Variants in PDE4B observed in about 807,000 individuals in gnomAD.
PDE4B encodes the protein 3',5'-cyclic-AMP phosphodiesterase 4B.
In PDE4B, 20 loss-of-function variants were observed where a neutral mutation model predicts 82.2. The observed-to-expected ratio is 0.24, with a 90% CI of 0.17 to 0.35. PDE4B has a LOEUF of 0.35. Among genes scored for constraint, PDE4B ranks in the 10% least tolerant of loss-of-function variants. The pLI is 1.00. For synonymous variants in PDE4B, 320 were observed against 318.9 expected, an observed-to-expected ratio of 1.00 and a Z score of -0.04; for missense variants, 655 against 907.2, an observed-to-expected ratio of 0.72 and a Z score of 3.57.
At chr1:65,905,308 G>C (rs186756931) in intron 1 of PDE4B, among the ~76,000 whole-genome samples, 114 of 152,218 alleles carry the variant, frequency 7.5e-4, no homozygotes, top group Non-Finnish European at 1.4e-3. Context: ...GGGTTAGCCC[G>C]GCAAAGTTGA....
intron 3 of PDE4B, among the ~76,000 whole-genome samples, chr1:66,015,183 T>C (rs1652699732): frequency 1.3e-5 from 2 of 152,272 alleles, no homozygotes; most frequent in Admixed American, 6.5e-5. Flanking sequence ...TTTTCTCTTT[T>C]CTGTAAGAAA....
rs147316120 is a variant in PDE4B at position 65,864,546 on chromosome 1, C to T, written c.-70-48699C>T. ...GATGACCTTTGGATGGGTTTTTGTG[C>T]GGGGGTCCTTTATGTTGATGTTGAT... is the stretch of plus-strand genomic sequence containing the variant. On this transcript the variant is annotated intron_variant, in intron 1 of 16. Coordinates refer to ENST00000341517, the MANE Select transcript of PDE4B (RefSeq NM_002600.4). Among the ~76,000 whole-genome samples the T allele has an allele frequency of 7.8e-4, 119 of 152,122 alleles. 3 individuals are homozygous for T. The highest frequency in any genetic ancestry group is 1.3e-3 in the African/African-American group (55 of 41,508).
intron 3 of PDE4B, among the ~76,000 whole-genome samples, chr1:66,153,379 C>G (rs558215009): frequency 1.3e-5 from 2 of 152,270 alleles, no homozygotes; most frequent in South Asian, 2.1e-4. Context: ...CAACAGATGT[C>G]CTTGAAGTAA....
intron 3 of PDE4B, among the ~76,000 whole-genome samples, chr1:66,226,527 T>C (rs1651466975): frequency 6.6e-6 from 1 of 152,152 alleles, no homozygotes; most frequent in Non-Finnish European, 1.5e-5. Flanking sequence ...GAATCAATAA[T>C]ATGAAGGAGC....
intron 3 of PDE4B, among the ~76,000 whole-genome samples, chr1:65,972,715 G>A: frequency 6.6e-6 from 1 of 152,104 alleles, no homozygotes; most frequent in South Asian, 2.1e-4. Flanking sequence ...GATTCACTTA[G>A]TGTTTCTGCA....
intron 3 of PDE4B, among the ~76,000 whole-genome samples, chr1:66,190,490 T>G (rs1410170172): frequency 6.6e-6 from 1 of 152,162 alleles, no homozygotes; most frequent in Non-Finnish European, 1.5e-5. Flanking sequence ...ACCCAGTTCA[T>G]TCTTCCCAGC....
intron 3 of PDE4B, among the ~76,000 whole-genome samples, chr1:66,184,227 T>C (rs1647132271): frequency 6.6e-6 from 1 of 152,100 alleles, no homozygotes. Flanking sequence ...AGCAGTCAAG[T>C]GTAAGGTACA....
chr1:66,252,836 G>A (rs557737892), intron 4 of PDE4B, among the ~76,000 whole-genome samples: 4 of 152,318 alleles, frequency 2.6e-5, no homozygotes, highest in East Asian at 1.9e-4. Flanking sequence ...CTCCTCAGGA[G>A]GCTGAGATAG....
In PDE4B at chr1:65,850,818, A is replaced by G. The variant is rs574624950; in HGVS notation, c.-71+57570A>G. The stretch of plus-strand genomic sequence containing the variant: ...AAGAGCAGAATTTTAAAAACTTGAT[A>G]AAGTCTAACATATTTTTAACACTTT... On this transcript the variant is annotated intron_variant, in intron 1 of 16. Transcript: ENST00000341517. Among the ~76,000 whole-genome samples the G allele has an allele frequency of 1.9e-3, 288 of 152,346 alleles. 1 individual carries two copies. The highest frequency in any genetic ancestry group is 6.7e-3 in the African/African-American group (280 of 41,580).
At chr1:66,151,921 T>C (rs1188268614) in intron 3 of PDE4B, among the ~76,000 whole-genome samples, 1 of 152,206 alleles carries the variant, frequency 6.6e-6, no homozygotes, top group Non-Finnish European at 1.5e-5. Flanking sequence ...CTATGTTTCT[T>C]ATAGCACCTA....
At chr1:66,223,265 A>G (rs1401647005) in intron 3 of PDE4B, among the ~76,000 whole-genome samples, 1 of 152,214 alleles carries the variant, frequency 6.6e-6, no homozygotes, top group African/African-American at 2.4e-5. Flanking sequence ...GTCATGTCAG[A>G]TAAGATTCTC....
chr1:66,353,052 TTC>T (rs1661958575), intron 8 of PDE4B, among the ~76,000 whole-genome samples: 1 of 152,348 alleles, frequency 6.6e-6, no homozygotes, highest in East Asian at 1.9e-4. Context: ...TTTCTTCAGC[TTC>T]TGAGTCTTCA....
chr1:66,132,110 A>G (rs1380937950), intron 3 of PDE4B, among the ~76,000 whole-genome samples: 1 of 152,214 alleles, frequency 6.6e-6, no homozygotes, highest in Non-Finnish European at 1.5e-5. Context: ...AGGTGTGATG[A>G]TAAGTTTTTA....
intron 3 of PDE4B, among the ~76,000 whole-genome samples, chr1:65,959,591 C>G (rs1199840874): frequency 3.3e-5 from 5 of 151,978 alleles, no homozygotes; most frequent in Admixed American, 3.3e-4. Context: ...AGCTTAGATT[C>G]TTTATTTGCT....
At chr1:66,051,043 A>G (rs1428645736) in intron 3 of PDE4B, among the ~76,000 whole-genome samples, 1 of 152,162 alleles carries the variant, frequency 6.6e-6, no homozygotes, top group Non-Finnish European at 1.5e-5. Context: ...GTACAAAGAA[A>G]TGATGACTTT....
chr1:66,258,359 A>G (rs896811707), intron 6 of PDE4B, among the ~76,000 whole-genome samples: 1 of 152,244 alleles, frequency 6.6e-6, no homozygotes, highest in African/African-American at 2.4e-5. Flanking sequence ...TCAATTAATT[A>G]TATGATCTTG....
chr1:66,256,414 G>T (rs1381382866), intron 4 of PDE4B, among the ~76,000 whole-genome samples: 1 of 152,116 alleles, frequency 6.6e-6, no homozygotes, highest in Non-Finnish European at 1.5e-5. Context: ...CATGTAAACT[G>T]CTTACCACAA....
intron 1 of PDE4B, among the ~76,000 whole-genome samples, chr1:65,818,978 A>G (rs1326747221): frequency 6.6e-6 from 1 of 152,092 alleles, no homozygotes; most frequent in Admixed American, 6.6e-5. Context: ...TTTCTCACTC[A>G]TACTGCATGC....
intron 3 of PDE4B, among the ~76,000 whole-genome samples, chr1:66,024,350 C>G (rs1653317483): frequency 6.6e-6 from 1 of 152,128 alleles, no homozygotes; most frequent in Admixed American, 6.6e-5. Flanking sequence ...TTACCCCTTA[C>G]TCAATCAGAT....
Sources: allele counts gnomAD v4.1 joint callset (sites outside exome capture counted in the v4.1 genomes callset), GRCh38; gene constraint gnomAD v4.1.1; transcripts MANE v1.5; gene names NCBI Gene and HGNC (gene_info 2026-07-23, HGNC 2026-07-21).